ZNFX1: variants seen among roughly 807,000 people sequenced by gnomAD.
The protein encoded by ZNFX1 is zinc finger NFX1-type containing 1, also known as NFX1-type zinc finger-containing protein 1.
ZNFX1 carries 78 observed loss-of-function variants against 179.8 expected under a neutral mutation model. The observed-to-expected ratio is 0.43, with a 90% confidence interval of 0.36 to 0.52. ZNFX1 has a LOEUF of 0.52. ZNFX1 is among the 20% of genes least tolerant of loss of function. The pLI is 0.00. For missense variants in ZNFX1, 1,927 were observed against 2,386.6 expected (o/e 0.81, Z 4.01); for synonymous variants, 848 against 868.5 (o/e 0.98, Z 0.42).
At position 49,270,693 on chromosome 20, in the gene ZNFX1, G is replaced by T; in HGVS notation, c.1119C>A (p.Phe373Leu). The T allele has an allele frequency of 6.2e-7, 1 of 1,614,176 alleles. No individual in the cohort carries two copies. The highest frequency in any genetic ancestry group is 8.5e-7 in the Non-Finnish European group (1 of 1,180,034). ...TGACGAAATCTTCTCGCAGGAGCCG[G>T]AAGTGGGTATCCAGATAGATAGCAG... ...DSTAIYLDTH[F>L]RLLREDFVRP... Residue 373 changes from phenylalanine (F) to leucine (L), a missense_variant, in exon 3 of 14, where the codon TTC (phenylalanine) becomes TTA (leucine). By Grantham distance (22) the Phe-to-Leu change is conservative. Transcript: ENST00000396105. This position sits in a 1 kb window ranked among gnomAD's most constrained non-coding sequence, Gnocchi z 4.6.
chr20:49,266,457 T>A (rs1422998540), intron 3 of ZNFX1, among the ~76,000 whole-genome samples, 191 bp from the exon 4 acceptor site: 1 of 152,234 alleles, frequency 6.6e-6, no homozygotes, highest in African/African-American at 2.4e-5. Context: ...AAGCAACCAA[T>A]GTTACCAGTT....
At chr20:49,253,913 G>A in intron 10 of ZNFX1, 102 bp from the exon 11 acceptor site, 2 of 1,377,906 alleles carry the variant, frequency 1.5e-6, no homozygotes, top group Non-Finnish European at 2.0e-6. Context: ...CCCTGAACCT[G>A]CATCAGCGAC....
In ZNFX1 at chr20:49,253,738, G is replaced by A; in HGVS notation, c.3033C>T (p.Val1011=). 1 of 1,614,198 alleles carries A rather than the reference G, an allele frequency of 6.2e-7. No individual in the cohort carries two copies. The highest frequency in any genetic ancestry group is 2.2e-5 in the East Asian group (1 of 44,884). The change falls in exon 11 of 14, where the codon GTC becomes GTT. Residue 1011 remains valine (V), a synonymous_variant. Coordinates refer to ENST00000396105, the MANE Select transcript of ZNFX1 (RefSeq NM_021035.3). The part of the protein sequence containing the change: ...RIVIVEEAAE[V]LEAHTIATLS... ...ATGTGGCAATGGTATGGGCCTCAAGGACTTCCGCAGCTTCTTCCACTATGA... is the reference window on the plus strand; with the variant it reads ...ATGTGGCAATGGTATGGGCCTCAAGAACTTCCGCAGCTTCTTCCACTATGA...
In ZNFX1 at chr20:49,270,899, G is replaced by A; in HGVS notation, c.913C>T (p.Leu305=). 6.2e-7 allele frequency: 1 copy of A among 1,614,146 alleles called. No individual in the cohort carries two copies. Among genetic ancestry groups the A allele is most frequent in the East Asian group, 2.2e-5 (1 of 44,882 alleles). Residue 305 remains leucine (L), a synonymous_variant, in exon 3 of 14, where the codon CTG becomes TTG. Coordinates refer to ENST00000396105, the MANE Select transcript of ZNFX1 (RefSeq NM_021035.3). The surrounding 1 kb of genome is among the most constrained non-coding windows in gnomAD (Gnocchi z 4.6). ...GTGCCCTCTCGCCTCTTTTCCTGCAGATGTTCAATGATAGTCTGTACCTTT... is the reference window on the plus strand; with the variant it reads ...GTGCCCTCTCGCCTCTTTTCCTGCAAATGTTCAATGATAGTCTGTACCTTT... ...LEKVQTIIEH[L]QEKRREGTLR... is the part of the protein sequence containing the mutation.
At chr20:49,262,912 T>C (rs1379495398) in intron 6 of ZNFX1, among the ~76,000 whole-genome samples, 4 of 152,210 alleles carry the variant, frequency 2.6e-5, no homozygotes, top group African/African-American at 9.6e-5. Flanking sequence ...TAACAAACAC[T>C]TATAGTACAG....
At chr20:49,256,046 A>G in intron 8 of ZNFX1, 99 bp from the exon 9 acceptor site, 1 of 1,402,632 alleles carries the variant, frequency 7.1e-7, no homozygotes, top group Middle Eastern at 2.5e-4. Flanking sequence ...AAGGGCTGGC[A>G]TCACTGATTA....
chr20:49,273,967 C>A (rs1413695196), intron 2 of ZNFX1, among the ~76,000 whole-genome samples: 1 of 152,132 alleles, frequency 6.6e-6, no homozygotes, highest in African/African-American at 2.4e-5. Context: ...CTCACAAGAG[C>A]CCATAGTTCT....
chr20:49,249,337 G>A lies in ZNFX1; in HGVS notation c.3687C>T (p.Tyr1229=), dbSNP rs370229461. ...VALSRAKKGM[Y]CIGNMQMLAK... ...CCAGCATCTGCATGTTTCCGATGCA[G>A]TACATTCCCTTCTTGGCTCGGGACA... The change falls in exon 14 of 14, where the codon TAC becomes TAT. Residue 1229 remains tyrosine (Y), a synonymous_variant. Coordinates refer to ENST00000396105, the MANE Select transcript of ZNFX1 (RefSeq NM_021035.3). 8.7e-5 allele frequency: 141 copies of A among 1,614,252 alleles called. 1 individual carries two copies. In the African/African-American group the frequency reaches 1.5e-3, roughly 17 times the overall value.
chr20:49,258,098 A>ATTT (rs10648506), intron 7 of ZNFX1, among the ~76,000 whole-genome samples: 24,872 of 138,690 alleles, frequency 0.18, 2,453 homozygotes, highest in Non-Finnish European at 0.19. Flanking sequence ...GGTTTATGTG[A>ATTT]TTTTTTTTTT....
At chr20:49,251,757 G>T (rs1600985361) in intron 12 of ZNFX1, 135 bp from the exon 13 acceptor site, 2 of 626,524 alleles carry the variant, frequency 3.2e-6, no homozygotes, top group East Asian at 3.3e-5. Flanking sequence ...CATCACTTTG[G>T]GAAGCCAAGG....
At position 49,261,485 on chromosome 20, in the gene ZNFX1, A is replaced by C. The variant is rs552801445; in HGVS notation, c.2302-908T>G. Reference sequence around the variant, plus strand: ...AGAAAACCAAATACTGCATGTTCTCACTTATAAGTTAAATGATGAGAACAC... The same window carrying C: ...AGAAAACCAAATACTGCATGTTCTCCCTTATAAGTTAAATGATGAGAACAC... On this transcript the variant is annotated intron_variant, in intron 6 of 13. Transcript: ENST00000396105. 6.6e-5 allele frequency among the ~76,000 whole-genome samples: 10 copies of C among 152,252 alleles called. No homozygotes were observed. In the South Asian group the frequency reaches 2.1e-3, roughly 32 times the overall value.
intron 3 of ZNFX1, among the ~76,000 whole-genome samples, chr20:49,267,477 GT>G (rs10695260): frequency 8.0e-4 from 113 of 141,002 alleles, no homozygotes; most frequent in Middle Eastern, 3.6e-3. Context: ...GTTACATAAA[GT>G]TTTTTTTTTT....
chr20:49,256,132 C>T (rs550996197), intron 8 of ZNFX1, among the ~76,000 whole-genome samples, 185 bp from the exon 9 acceptor site: 101 of 152,264 alleles, frequency 6.6e-4, no homozygotes, highest in Admixed American at 3.4e-3. Context: ...AGCCAGTTTG[C>T]CTGGCTTCAA....
chr20:49,253,162 A>G (rs1249371118), intron 11 of ZNFX1, among the ~76,000 whole-genome samples: 3 of 152,222 alleles, frequency 2.0e-5, no homozygotes, highest in African/African-American at 7.2e-5. Context: ...ACACAGTGGG[A>G]CACCAAGAGC....
chr20:49,263,227 G>C (rs1033647223), intron 6 of ZNFX1, 107 bp downstream of exon 6: 2 of 1,353,480 alleles, frequency 1.5e-6, no homozygotes, highest in Non-Finnish European at 2.0e-6. Flanking sequence ...CATTGTGGCA[G>C]CATCAGATTA....
chr20:49,260,599 T>C, intron 6 of ZNFX1, 22 bp from the exon 7 acceptor site: 2 of 1,528,398 alleles, frequency 1.3e-6, no homozygotes, highest in Non-Finnish European at 1.8e-6. Context: ...AGAATGATCA[T>C]TTGTGAGGAT....
At chr20:49,263,963 C>T (rs1981177558) in intron 5 of ZNFX1, among the ~76,000 whole-genome samples, 1 of 152,040 alleles carries the variant, frequency 6.6e-6, no homozygotes, top group Non-Finnish European at 1.5e-5. Flanking sequence ...GTGGCTCACG[C>T]CTGTAATCCC....
chr20:49,264,911 A>AGGT (rs1981201235), intron 4 of ZNFX1, 47 bp from the exon 5 acceptor site: 1 of 1,612,996 alleles, frequency 6.2e-7, no homozygotes, highest in Non-Finnish European at 8.5e-7. Flanking sequence ...AGCTTATGCT[A>AGGT]GGTTCTCTCA....
chr20:49,252,834 A>G lies in ZNFX1; in HGVS notation c.3106-4T>C, dbSNP rs1178532367. The G allele has an allele frequency of 1.7e-5, 27 of 1,612,020 alleles. No homozygotes were observed. Among genetic ancestry groups the G allele is most frequent in the Admixed American group, 6.7e-5 (4 of 59,996 alleles). On this transcript the variant is annotated splice_region_variant and splice_polypyrimidine_tract_variant and intron_variant, in intron 11 of 13. Transcript: ENST00000396105. ...ACACGTTGGCACTGGGGCGCAGCTG[A>G]GAAGAGAAACATGGCTGAGGATTCT...
Sources: gnomAD v4.1 joint callset for allele counts (sites outside exome capture counted in the v4.1 genomes callset) on GRCh38, gnomAD v4.1.1 for gene constraint, Gnocchi (gnomAD v3.1) non-coding constraint, MANE v1.5 for transcripts, NCBI Gene and HGNC (gene_info 2026-07-23, HGNC 2026-07-21) for gene names.